The following KNL1 variants were observed in gnomAD, a reference collection of about 807,000 sequenced individuals.
The protein encoded by KNL1 is kinetochore scaffold 1, also known as outer kinetochore KNL1 complex subunit KNL1.
A neutral mutation model predicts 201.3 loss-of-function variants in KNL1; 66 were observed. The observed-to-expected ratio is 0.33, with a 90% CI of 0.27 to 0.40. KNL1 has a LOEUF of 0.40. Ranked by LOEUF, KNL1 falls within the 10% of genes least tolerant of loss-of-function variation. KNL1 has a pLI of 1.00. For synonymous variants in KNL1, 895 were observed against 899.2 expected (o/e 1.00, Z 0.08); for missense variants, 2,815 against 2,690.5 (o/e 1.05, Z -1.02).
chr15:40,624,315 T>C lies in KNL1; in HGVS notation c.4051T>C (p.Leu1351=). ...YANDFASEYY[L]ESEGQPLSAP... Reference sequence around the variant, plus strand: ...AAATGATTTTGCCAGTGAATATTACTTGGAATCTGAGGGACAGCCTCTCTC... The same window carrying C: ...AAATGATTTTGCCAGTGAATATTACCTGGAATCTGAGGGACAGCCTCTCTC... The change falls in exon 10 of 26, where the codon TTG becomes CTG. Residue 1351 remains leucine, a synonymous_variant. Coordinates refer to ENST00000399668, the MANE Select transcript of KNL1 (RefSeq NM_144508.5). 1 of 1,614,086 alleles carries C rather than the reference T, an allele frequency of 6.2e-7. No homozygotes were observed. The highest frequency in any genetic ancestry group is 8.5e-7 in the Non-Finnish European group (1 of 1,179,968).
At chr15:40,595,166 C>T (rs1047650352) in intron 1 of KNL1, among the ~76,000 whole-genome samples, 4 of 152,222 alleles carry the variant, frequency 2.6e-5, no homozygotes, top group Non-Finnish European at 5.9e-5. Context: ...GTTTTCACTT[C>T]CGTCGAATCC....
rs571886534 is a variant in KNL1 at position 40,661,424 on chromosome 15, A to G, written c.6837-650A>G. ...GGAGAATTGCTTGCACCCAGGAGAA[A>G]GAGGTTGCCGTGAGCCTAGATTGTG... is the stretch of plus-strand genomic sequence containing the variant. On this transcript the variant is annotated intron_variant, in intron 25 of 25. Coordinates refer to ENST00000399668, the MANE Select transcript of KNL1 (RefSeq NM_144508.5). Among the ~76,000 whole-genome samples the G allele has an allele frequency of 5.2e-4, 79 of 152,126 alleles. 1 individual carries two copies. Among genetic ancestry groups the G allele is most frequent in the Non-Finnish European group, 9.4e-4 (64 of 67,986 alleles).
At chr15:40,652,545 G>A (rs1893599961) in intron 21 of KNL1, among the ~76,000 whole-genome samples, 3 of 150,562 alleles carry the variant, frequency 2.0e-5, no homozygotes, top group African/African-American at 4.9e-5. Context: ...TGAGGTGGGC[G>A]GATCATCTGA....
chr15:40,608,228 C>T (rs538403600), intron 4 of KNL1, among the ~76,000 whole-genome samples: 2 of 152,058 alleles, frequency 1.3e-5, no homozygotes, highest in East Asian at 3.9e-4. Context: ...AATCCTAGCA[C>T]TTTGGAAAGC....
At chr15:40,603,043 A>C in intron 2 of KNL1, 77 bp downstream of exon 2, 1 of 909,296 alleles carries the variant, frequency 1.1e-6, no homozygotes, top group Non-Finnish European at 1.7e-6. Context: ...AGACCTATCC[A>C]TAACTTCTGA....
At chr15:40,597,795 C>T (rs1891663257) in intron 1 of KNL1, among the ~76,000 whole-genome samples, 2 of 152,172 alleles carry the variant, frequency 1.3e-5, no homozygotes, top group African/African-American at 4.8e-5. Context: ...TGCTTAATGA[C>T]TGTTTTAAAC....
rs188904056 is a variant in KNL1 at position 40,598,625 on chromosome 15, G to A, written c.-18+4233G>A. Among the ~76,000 whole-genome samples the A allele has an allele frequency of 1.7e-3, 264 of 152,146 alleles. 1 individual carries two copies. Among genetic ancestry groups the A allele is most frequent in the Non-Finnish European group, 1.8e-3 (124 of 67,998 alleles). On this transcript the variant is annotated intron_variant, in intron 1 of 25. Transcript: ENST00000399668. The stretch of plus-strand genomic sequence containing the variant: ...AAAAATGAGTGGGTTGGGGATATTG[G>A]GGATATATATTGGAAATCGAATTAG...
rs878864042 is a variant in KNL1, at chr15:40,651,897, T to C, written c.6315-108T>C. 7 of 648,180 alleles carry C rather than the reference T, an allele frequency of 1.1e-5. No homozygotes were observed. The South Asian group carries it at 1.3e-4, about 12-fold the overall frequency. The allele number at this position is 648,180 out of a possible 1,614,324, so 40.2% of individuals were successfully genotyped here. A position where few individuals can be genotyped will look rare whatever the true frequency, so the allele number is the denominator to read the frequency against. On this transcript the variant is annotated intron_variant, in intron 20 of 25. Transcript: ENST00000399668. The stretch of plus-strand genomic sequence containing the variant: ...ATTGAAATATTTTCTCCCAGTCCAG[T>C]GGAAAAACATTAGCAGCTGCTGTTG...
chr15:40,597,899 C>T (rs1891665745), intron 1 of KNL1, among the ~76,000 whole-genome samples: 1 of 152,100 alleles, frequency 6.6e-6, no homozygotes. Context: ...CCCCTGGGCG[C>T]GGTGGCTCAC....
At chr15:40,659,315 A>T in intron 24 of KNL1, 24 bp from the exon 25 acceptor site, 1 of 1,579,914 alleles carries the variant, frequency 6.3e-7, no homozygotes, top group Non-Finnish European at 8.6e-7. Flanking sequence ...TTGCATTTTT[A>T]ATTGTGGATC....
At chr15:40,638,806 T>C (rs1567016784) in intron 13 of KNL1, among the ~76,000 whole-genome samples, 1 of 150,470 alleles carries the variant, frequency 6.6e-6, no homozygotes, top group Non-Finnish European at 1.5e-5. Flanking sequence ...TTTCTTTTTT[T>C]TCTTTCTTTC....
At chr15:40,625,735 C>A (rs771502805) in intron 10 of KNL1, 95 bp downstream of exon 10, 3 of 897,694 alleles carry the variant, frequency 3.3e-6, no homozygotes, top group Non-Finnish European at 5.2e-6. Flanking sequence ...ATCTTAGTCT[C>A]GGGTAGGCAG....
chr15:40,651,827 C>T (rs1323779615), intron 20 of KNL1, among the ~76,000 whole-genome samples, 178 bp from the exon 21 acceptor site: 1 of 152,108 alleles, frequency 6.6e-6, no homozygotes, highest in Non-Finnish European at 1.5e-5. Flanking sequence ...AGATTGGGTT[C>T]TTAGTTATTT....
In KNL1 at chr15:40,657,065, C is replaced by T. The variant is rs987616710; in HGVS notation, c.6508C>T (p.Leu2170Phe). 2 of 1,590,408 alleles carry T rather than the reference C, an allele frequency of 1.3e-6. No individual in the cohort carries two copies. The highest frequency in any genetic ancestry group is 4.5e-5 in the East Asian group (2 of 44,400). Residue 2170 changes from leucine (L) to phenylalanine (F), a missense_variant, in exon 23 of 26, where the codon CTT becomes TTT. This residue lies in a region of KNL1 where 334 missense variants were observed against 362.6 expected (regional missense o/e 0.92). Transcript: ENST00000399668. The part of the protein sequence containing the change: ...LDEDQAPPSS[L>F]LVHKLIFQYV... ...AGAGGATCAAGCTCCTCCTTCCTCC[C>T]TTTTAGTTCATAAGCTTATTTTCCA...
At chr15:40,652,253 A>G in intron 21 of KNL1, 148 bp downstream of exon 21, 1 of 430,484 alleles carries the variant, frequency 2.3e-6, no homozygotes, top group Non-Finnish European at 4.1e-6. Flanking sequence ...TATTGATAGC[A>G]GAATTTTATT....
chr15:40,652,007 T>G lies in KNL1; in HGVS notation c.6317T>G (p.Leu2106Trp). Residue 2106 changes from leucine to tryptophan, a missense_variant and splice_region_variant, in exon 21 of 26, where the codon TTG becomes TGG. This residue lies in a region of KNL1 where 334 missense variants were observed against 362.6 expected (regional missense o/e 0.92). Transcript: ENST00000399668. Reference sequence around the variant, plus strand: ...AAATCTTGTTTATCTCTCTACAGCTTGTCTGAGTGGGATGTCGTTGAGTGG... The same window carrying G: ...AAATCTTGTTTATCTCTCTACAGCTGGTCTGAGTGGGATGTCGTTGAGTGG... ...RTEELLDQLS[L>W]SEWDVVEWSD... The G allele has an allele frequency of 6.2e-7, 1 of 1,611,362 alleles. No individual in the cohort carries two copies. The highest frequency in any genetic ancestry group is 8.5e-7 in the Non-Finnish European group (1 of 1,177,684).
At chr15:40,614,727 C>G (rs1036351590) in intron 7 of KNL1, among the ~76,000 whole-genome samples, 1 of 152,162 alleles carries the variant, frequency 6.6e-6, no homozygotes, top group Non-Finnish European at 1.5e-5. Flanking sequence ...TTACCTCAGT[C>G]TGTTACAATC....
chr15:40,604,621 A>G (rs1395895369), intron 2 of KNL1, among the ~76,000 whole-genome samples: 1 of 152,230 alleles, frequency 6.6e-6, no homozygotes, highest in African/African-American at 2.4e-5. Flanking sequence ...GCGTGGCAAC[A>G]CTGGGCTCCT....
rs199783161 is a variant in KNL1 at position 40,622,146 on chromosome 15, A to G, written c.1882A>G (p.Ile628Val). The G allele has an allele frequency of 7.1e-5, 114 of 1,614,050 alleles. No individual in the cohort carries two copies. The highest frequency in any genetic ancestry group is 2.2e-5 in the South Asian group (2 of 91,086). The change falls in exon 10 of 26, where the codon ATA becomes GTA. Residue 628 changes from isoleucine to valine, a missense_variant. By Grantham distance (29) the Ile-to-Val change is conservative. This residue lies in a region of KNL1 where 2,464 missense variants were observed against 2,291.7 expected (regional missense o/e 1.08). Transcript: ENST00000399668. ...TAATGAACCATTTCAGCGATCAGAC[A>G]TAATAGCCAAAAACAGCTTAACCGA... ...SRNEPFQRSD[I>V]IAKNSLTDTW...
Sources: allele counts gnomAD v4.1 joint callset (sites outside exome capture counted in the v4.1 genomes callset), GRCh38; gene constraint gnomAD v4.1.1; regional missense constraint gnomAD v4.1.1; transcripts MANE v1.5; gene names NCBI Gene and HGNC (gene_info 2026-07-23, HGNC 2026-07-21).